DACH2: variants seen among roughly 807,000 people sequenced by gnomAD.
DACH2 encodes dachshund family transcription factor 2, also known as dachshund homolog 2.
DACH2 carries 17 observed loss-of-function variants against 35.8 expected under a neutral mutation model. The observed-to-expected ratio is 0.48, with a 90% CI of 0.33 to 0.71. The LOEUF (loss-of-function observed/expected upper bound fraction) is 0.71, where lower values mean the gene tolerates loss of function less well. DACH2 is among the 30% of genes least tolerant of loss of function. DACH2 has a pLI of 0.02. For missense variants in DACH2, 469 were observed against 472.7 expected, an observed-to-expected ratio of 0.99 and a Z score of 0.07; for synonymous variants, 195 against 177.3, an observed-to-expected ratio of 1.10 and a Z score of -0.79.
At chrX:86,613,186 T>C (rs1022122765) in intron 3 of DACH2, among the ~76,000 whole-genome samples, 5 of 111,701 alleles carry the variant, frequency 4.5e-5, no homozygotes, top group Admixed American at 9.5e-5. Context: ...ATTATCAGCT[T>C]TGTACTTTTA....
chrX:86,289,276 A>T (rs371756123), intron 1 of DACH2, among the ~76,000 whole-genome samples: 1 of 104,368 alleles, frequency 9.6e-6, no homozygotes. Flanking sequence ...AGTCCTCCTC[A>T]CTCTTATCTC....
chrX:86,165,885 T>C (rs1299989984), intron 1 of DACH2, among the ~76,000 whole-genome samples: 2 of 111,738 alleles, frequency 1.8e-5, no homozygotes, highest in East Asian at 5.6e-4. Context: ...ACTTGTGGGG[T>C]ATTGCTCAAG....
At chrX:86,827,720 T>C (rs1246022435) in intron 11 of DACH2, 4 of 1,123,765 alleles carry the variant, frequency 3.6e-6, no homozygotes, top group African/African-American at 3.6e-5. Flanking sequence ...GAATTTTCTT[T>C]GTTCGAATGA....
chrX:86,425,209 A>G (rs928732598), intron 2 of DACH2, among the ~76,000 whole-genome samples: 6 of 110,608 alleles, frequency 5.4e-5, no homozygotes, highest in Non-Finnish European at 1.1e-4. Flanking sequence ...GTTTGGAAGT[A>G]TTCCTTCTTC....
intron 4 of DACH2, among the ~76,000 whole-genome samples, chrX:86,655,003 C>T (rs1428092573): frequency 1.8e-5 from 2 of 111,401 alleles, no homozygotes; most frequent in East Asian, 5.6e-4. Flanking sequence ...GTCTTTGTTG[C>T]CCTTTGGGTC....
intron 3 of DACH2, among the ~76,000 whole-genome samples, chrX:86,649,384 C>T (rs2040452422): frequency 9.0e-6 from 1 of 110,848 alleles, no homozygotes. Flanking sequence ...ATTCTGGAAA[C>T]TTATTGATAC....
chrX:86,539,905 C>A (rs1420287324), intron 3 of DACH2, among the ~76,000 whole-genome samples: 1 of 111,116 alleles, frequency 9.0e-6, no homozygotes, highest in Non-Finnish European at 1.9e-5. Flanking sequence ...GTAGTCATGG[C>A]ATGAAGATTC....
At chrX:86,308,900 G>C (rs1048752948) in intron 1 of DACH2, among the ~76,000 whole-genome samples, 11 of 110,834 alleles carry the variant, frequency 9.9e-5, no homozygotes, top group Non-Finnish European at 1.1e-4. Flanking sequence ...ACTTACAGTG[G>C]GTCCAATGAG....
chrX:86,244,389 A>C (rs1405947355), intron 1 of DACH2, among the ~76,000 whole-genome samples: 7 of 112,275 alleles, frequency 6.2e-5, no homozygotes, highest in African/African-American at 2.3e-4. Context: ...AAATTATTTT[A>C]TTAGATGGAG....
Position 86,393,389 on chromosome X carries a change from C to T in DACH2, c.527+16527C>T, listed in dbSNP as rs1259180669. Among the ~76,000 whole-genome samples the T allele has an allele frequency of 3.7e-4, 41 of 112,041 alleles. 2 individuals carry two copies. The Admixed American group carries it at 3.9e-3, about 11-fold the overall frequency. On this transcript the variant is annotated intron_variant, in intron 2 of 11. Coordinates refer to ENST00000373125, the MANE Select transcript of DACH2 (RefSeq NM_053281.3). Reference sequence around the variant, plus strand: ...TATCCATCATTGTATTCCCATTGCTCAGCATGTTGTTTGAGACATAATAAA... The same window carrying T: ...TATCCATCATTGTATTCCCATTGCTTAGCATGTTGTTTGAGACATAATAAA...
chrX:86,658,137 A>C (rs2040564068), intron 4 of DACH2, among the ~76,000 whole-genome samples: 1 of 111,786 alleles, frequency 8.9e-6, no homozygotes, highest in Non-Finnish European at 1.9e-5. Context: ...TTCACAAAAA[A>C]ACCAACCAGC....
At chrX:86,785,816 A>G (rs2042131409) in intron 7 of DACH2, among the ~76,000 whole-genome samples, 1 of 111,704 alleles carries the variant, frequency 9.0e-6, no homozygotes, top group Admixed American at 9.6e-5. Context: ...TATGCTACAT[A>G]TATGCCATGT....
chrX:86,522,267 T>C (rs1410309874), intron 3 of DACH2, among the ~76,000 whole-genome samples: 1 of 111,497 alleles, frequency 9.0e-6, no homozygotes, highest in African/African-American at 3.3e-5. Flanking sequence ...TGTGAATATG[T>C]GCACAAATGT....
chrX:86,634,032 G>A (rs1292861408), intron 3 of DACH2, among the ~76,000 whole-genome samples: 1 of 111,585 alleles, frequency 9.0e-6, no homozygotes, highest in East Asian at 2.8e-4. Flanking sequence ...TTACTAGGAG[G>A]CCATAGGAAA....
chrX:86,487,261 G>C (rs1415453639), intron 2 of DACH2, among the ~76,000 whole-genome samples: 1 of 111,448 alleles, frequency 9.0e-6, no homozygotes, highest in Non-Finnish European at 1.9e-5. Flanking sequence ...TAATCACCCT[G>C]GTTGTAGTCA....
intron 6 of DACH2, among the ~76,000 whole-genome samples, chrX:86,726,116 C>G (rs2041466182): frequency 9.0e-6 from 1 of 111,648 alleles, no homozygotes; most frequent in Non-Finnish European, 1.9e-5. Flanking sequence ...ATGCTGTATA[C>G]CTGCCATCAG....
chrX:86,655,682 C>A (rs2040530688), intron 4 of DACH2, among the ~76,000 whole-genome samples: 1 of 108,989 alleles, frequency 9.2e-6, no homozygotes, highest in African/African-American at 3.3e-5. Context: ...GGAGAGAAGA[C>A]AAAAAAAATC....
intron 2 of DACH2, among the ~76,000 whole-genome samples, chrX:86,435,775 C>T (rs1429228817): frequency 9.0e-6 from 1 of 111,690 alleles, no homozygotes; most frequent in Non-Finnish European, 1.9e-5. Flanking sequence ...AAGCTGGATA[C>T]AAATGTCAGG....
At chrX:86,702,950 A>G (rs1473407446) in intron 5 of DACH2, among the ~76,000 whole-genome samples, 1 of 111,248 alleles carries the variant, frequency 9.0e-6, no homozygotes, top group Non-Finnish European at 1.9e-5. Flanking sequence ...CCCAAGCAAG[A>G]AAGGCACATA....
Sources: gnomAD v4.1 joint callset for allele counts (sites outside exome capture counted in the v4.1 genomes callset) on GRCh38, gnomAD v4.1.1 for gene constraint, MANE v1.5 for transcripts, NCBI Gene and HGNC (gene_info 2026-07-23, HGNC 2026-07-21) for gene names.